The following NPAS3 variants were observed in gnomAD, a reference collection of about 807,000 sequenced individuals.
NPAS3 encodes the protein neuronal PAS domain protein 3.
Under a neutral mutation model 73.1 loss-of-function variants are expected in NPAS3, and 14 were observed. That is an observed-to-expected ratio of 0.19 (90% confidence interval 0.13 to 0.30). The LOEUF is 0.30. Ranked by LOEUF, NPAS3 falls within the 10% of genes least tolerant of loss-of-function variation. NPAS3 has a pLI of 1.00. For missense variants in NPAS3, 1,096 were observed against 1,250.0 expected (o/e 0.88, Z 1.86); for synonymous variants, 620 against 541.5 (o/e 1.14, Z -2.01).
At chr14:33,146,685 A>G (rs764686921) in intron 2 of NPAS3, among the ~76,000 whole-genome samples, 2 of 152,226 alleles carry the variant, frequency 1.3e-5, no homozygotes, top group Non-Finnish European at 2.9e-5. Context: ...CCTTTGCAGT[A>G]CAGTGCCTAG....
In NPAS3 at chr14:33,465,893, A is replaced by G. The variant is rs546462609; in HGVS notation, c.469-94228A>G. Among the ~76,000 whole-genome samples, 7 of 152,302 alleles carry G rather than the reference A, an allele frequency of 4.6e-5. No individual in the cohort carries two copies. In the East Asian group the frequency reaches 1.3e-3, roughly 29 times the overall value. ...TGGAATCACACGAGATCCAACAGAT[A>G]TATAATAGATAATAAAATGCTAAAT... is the stretch of plus-strand genomic sequence containing the variant. On this transcript the variant is annotated intron_variant, in intron 4 of 11. Transcript: ENST00000356141.
chr14:33,592,058 G>A (rs1000239679), intron 5 of NPAS3, among the ~76,000 whole-genome samples: 4 of 152,100 alleles, frequency 2.6e-5, no homozygotes, highest in Admixed American at 1.3e-4. Context: ...TGGGATGACC[G>A]CTGGGAGACC....
At chr14:33,031,193 T>C (rs1473601654) in intron 1 of NPAS3, among the ~76,000 whole-genome samples, 2 of 152,220 alleles carry the variant, frequency 1.3e-5, no homozygotes, top group African/African-American at 4.8e-5. Flanking sequence ...CATTATTACC[T>C]GAAGGACAGT....
At chr14:33,748,768 C>A (rs2061877060) in intron 7 of NPAS3, among the ~76,000 whole-genome samples, 3 of 152,268 alleles carry the variant, frequency 2.0e-5, no homozygotes, top group East Asian at 1.9e-4. Context: ...ACAGTACCTA[C>A]CCTTGAGCTT....
chr14:33,428,887 T>C (rs2048665082), intron 4 of NPAS3, among the ~76,000 whole-genome samples: 2 of 152,162 alleles, frequency 1.3e-5, no homozygotes, highest in South Asian at 4.1e-4. Flanking sequence ...ATACTAGCTC[T>C]ACAATATAGT....
At chr14:33,308,527 T>TATATATATATACACACACACACAC in intron 3 of NPAS3, among the ~76,000 whole-genome samples, 2 of 103,730 alleles carry the variant, frequency 1.9e-5, no homozygotes, top group South Asian at 2.6e-4. Context: ...TATATATATA[T>TATATATATATACACACACACACAC]ACATACACAC....
At chr14:33,778,434 C>T in intron 8 of NPAS3, 32 bp from the exon 9 acceptor site, 2 of 1,452,140 alleles carry the variant, frequency 1.4e-6, no homozygotes, top group Non-Finnish European at 1.9e-6. Context: ...TTCCTCCTTT[C>T]TGAATTCCAG....
chr14:33,076,914 T>C (rs930166763), intron 2 of NPAS3, among the ~76,000 whole-genome samples: 1 of 152,244 alleles, frequency 6.6e-6, no homozygotes, highest in African/African-American at 2.4e-5. Flanking sequence ...ACAAAAAGTT[T>C]TTCTATATCC....
chr14:33,681,495 G>A (rs1484510334), intron 6 of NPAS3, among the ~76,000 whole-genome samples: 1 of 152,098 alleles, frequency 6.6e-6, no homozygotes, highest in Non-Finnish European at 1.5e-5. Flanking sequence ...AGGTGTTGAG[G>A]GAGCTGTTAA....
At chr14:33,751,454 C>T (rs2061960209) in intron 7 of NPAS3, among the ~76,000 whole-genome samples, 1 of 151,674 alleles carries the variant, frequency 6.6e-6, no homozygotes, top group Non-Finnish European at 1.5e-5. Flanking sequence ...ACCAGTAACT[C>T]AAGGGAAAAA....
intron 4 of NPAS3, among the ~76,000 whole-genome samples, chr14:33,441,376 G>A (rs2049240708): frequency 7.1e-6 from 1 of 140,360 alleles, no homozygotes; most frequent in Admixed American, 6.9e-5. Context: ...CAAAGCAATA[G>A]CCTAAAGTAG....
At chr14:32,958,865 A>G (rs1483040396) in intron 1 of NPAS3, among the ~76,000 whole-genome samples, 1 of 152,232 alleles carries the variant, frequency 6.6e-6, no homozygotes, top group Non-Finnish European at 1.5e-5. Context: ...ACAGGCTCAT[A>G]ACAAAATGGT....
intron 2 of NPAS3, among the ~76,000 whole-genome samples, chr14:33,078,809 T>A (rs1000286969): frequency 1.1e-4 from 17 of 152,246 alleles, no homozygotes; most frequent in African/African-American, 4.1e-4. Flanking sequence ...AGAGAGTTTC[T>A]TGCTGACACA....
intron 2 of NPAS3, among the ~76,000 whole-genome samples, chr14:33,112,569 C>G (rs1220924415): frequency 6.6e-6 from 1 of 152,084 alleles, no homozygotes; most frequent in Non-Finnish European, 1.5e-5. Context: ...GATATTAGCC[C>G]TTTGTCAGAT....
intron 8 of NPAS3, among the ~76,000 whole-genome samples, chr14:33,777,016 A>G (rs2062842535): frequency 6.6e-6 from 1 of 152,096 alleles, no homozygotes; most frequent in South Asian, 2.1e-4. Flanking sequence ...GGGGTTTATT[A>G]TTTAATTAGG....
chr14:33,662,483 A>T (rs915404555), intron 5 of NPAS3, among the ~76,000 whole-genome samples: 2 of 152,214 alleles, frequency 1.3e-5, no homozygotes, highest in African/African-American at 4.8e-5. Flanking sequence ...TAATTCTGTG[A>T]AGAAAGTCAA....
intron 9 of NPAS3, among the ~76,000 whole-genome samples, chr14:33,789,603 T>TTTTTTTG (rs2063288799): frequency 7.5e-6 from 1 of 133,966 alleles, no homozygotes; most frequent in South Asian, 2.4e-4. Context: ...TTTTTTTTTT[T>TTTTTTTG]TTTGAGACGG....
chr14:33,735,546 T>C (rs1415775145), intron 7 of NPAS3, among the ~76,000 whole-genome samples: 1 of 152,148 alleles, frequency 6.6e-6, no homozygotes, highest in Non-Finnish European at 1.5e-5. Context: ...AACCCCAATA[T>C]AGTGTCTTTT....
chr14:32,995,808 G>C (rs145120656), intron 1 of NPAS3, among the ~76,000 whole-genome samples: 1 of 152,236 alleles, frequency 6.6e-6, no homozygotes, highest in African/African-American at 2.4e-5. Context: ...TTTGTAAATT[G>C]TCCAGTCGGG....
Sources: allele counts gnomAD v4.1 joint callset (sites outside exome capture counted in the v4.1 genomes callset), GRCh38; gene constraint gnomAD v4.1.1; transcripts MANE v1.5; gene names NCBI Gene and HGNC (gene_info 2026-07-23, HGNC 2026-07-21).